VPS13C: variants seen among roughly 807,000 people sequenced by gnomAD.
VPS13C encodes the protein intermembrane lipid transfer protein VPS13C.
In VPS13C, 358 loss-of-function variants were observed where a neutral mutation model predicts 456.8. The observed-to-expected ratio is 0.78, with a 90% CI of 0.72 to 0.86. The LOEUF (loss-of-function observed/expected upper bound fraction) is 0.86, where lower values mean the gene tolerates loss of function less well. Among genes scored for constraint, VPS13C ranks in the 40% least tolerant of loss-of-function variants. VPS13C has a pLI of 0.00. For synonymous variants in VPS13C, 1,578 were observed against 1,486.7 expected (o/e 1.06, Z -1.41); for missense variants, 4,818 against 4,385.4 (o/e 1.10, Z -2.79).
At chr15:61,909,162 G>T (rs774339372) in intron 64 of VPS13C, 37 bp from the exon 65 acceptor site, 2 of 1,606,522 alleles carry the variant, frequency 1.2e-6, no homozygotes, top group Non-Finnish European at 1.7e-6. Flanking sequence ...TTGATGTACT[G>T]GTTTAATCTA....
chr15:61,990,464 C>T (rs183086003), intron 18 of VPS13C, among the ~76,000 whole-genome samples: 10 of 152,192 alleles, frequency 6.6e-5, no homozygotes, highest in Admixed American at 2.0e-4. Context: ...CAGTTTAGCA[C>T]TATAATAAGT....
chr15:61,934,105 T>C, intron 49 of VPS13C, 114 bp downstream of exon 49: 2 of 560,388 alleles, frequency 3.6e-6, no homozygotes, highest in South Asian at 9.6e-5. Flanking sequence ...AATAGAATTT[T>C]ATAGACATAT....
rs1269341459 is a variant in VPS13C, at chr15:61,929,506, T to C, written c.6281A>G (p.Glu2094Gly). Residue 2094 changes from glutamate (E) to glycine (G), a missense_variant, in exon 51 of 85, where the codon GAG becomes GGG. Transcript: ENST00000644861. The stretch of plus-strand genomic sequence containing the variant: ...GACAGATAAATTCTGCTAACCTTTC[T>C]CTATCTTGACCTTCCCTGTGGCAGT... ...RQTATGKVKI[E>G]KDDSVRPNMT... is the part of the protein sequence containing the mutation. 6.2e-7 allele frequency: 1 copy of C among 1,612,972 alleles called. No individual in the cohort carries two copies. Among genetic ancestry groups the C allele is most frequent in the East Asian group, 2.2e-5 (1 of 44,826 alleles).
At chr15:61,868,883 A>C in intron 80 of VPS13C, 110 bp from the exon 81 acceptor site, 1 of 899,966 alleles carries the variant, frequency 1.1e-6, no homozygotes, top group East Asian at 2.8e-5. Context: ...AGTAATTTTA[A>C]ATAGCTTTCC....
rs765044148 is a variant in VPS13C at position 61,949,438 on chromosome 15, A to T, written c.4759+5T>A. 2 of 1,603,680 alleles carry T rather than the reference A, an allele frequency of 1.2e-6. No homozygotes were observed. Among genetic ancestry groups the T allele is most frequent in the Non-Finnish European group, 1.7e-6 (2 of 1,177,678 alleles). ...ATTATTAGATCATAATTCAAAAATT[A>T]TTACCAGCTTTGACAGCGATACTTC... On this transcript the variant is annotated splice_donor_5th_base_variant and intron_variant, in intron 42 of 84. Coordinates refer to ENST00000644861, the MANE Select transcript of VPS13C (RefSeq NM_020821.3).
Position 61,915,738 on chromosome 15 carries a change from C to T in VPS13C, c.8340G>A (p.Arg2780=). ...SPYWLINKTT[R]VLQYRSEDIH... ...TATCTTCTGAACGATACTGGAGAACCCGGGTAGTCTTGTTGATTAACCAAT... is the reference window on the plus strand; with the variant it reads ...TATCTTCTGAACGATACTGGAGAACTCGGGTAGTCTTGTTGATTAACCAAT... The change falls in exon 61 of 85, where the codon CGG becomes CGA. Residue 2780 remains arginine (R), a synonymous_variant. Transcript: ENST00000644861. 6.2e-7 allele frequency: 1 copy of T among 1,614,066 alleles called. No homozygotes were observed. The highest frequency in any genetic ancestry group is 8.5e-7 in the Non-Finnish European group (1 of 1,180,018).
intron 26 of VPS13C, 52 bp downstream of exon 26, chr15:61,973,402 T>A (rs1199020389): frequency 6.9e-7 from 1 of 1,447,020 alleles, no homozygotes; most frequent in Admixed American, 1.7e-5. Flanking sequence ...TATCTCTGTA[T>A]AACAATGTAT....
At chr15:62,059,345 C>T (rs1308741790) in intron 1 of VPS13C, among the ~76,000 whole-genome samples, 2 of 152,168 alleles carry the variant, frequency 1.3e-5, no homozygotes, top group Non-Finnish European at 2.9e-5. Context: ...AAAGCAGATC[C>T]ATACATTTGA....
intron 82 of VPS13C, among the ~76,000 whole-genome samples, chr15:61,860,605 T>TA (rs1310120230): frequency 1.3e-5 from 2 of 152,294 alleles, no homozygotes; most frequent in Non-Finnish European, 2.9e-5. Flanking sequence ...TATCTGCAAA[T>TA]ACAAAATTAT....
chr15:61,968,897 CTTTA>C (rs1342743337), intron 28 of VPS13C, among the ~76,000 whole-genome samples: 1 of 152,056 alleles, frequency 6.6e-6, no homozygotes, highest in Non-Finnish European at 1.5e-5. Flanking sequence ...GCCACTTAAT[CTTTA>C]TTTAGCCTTT....
intron 9 of VPS13C, among the ~76,000 whole-genome samples, chr15:62,016,515 T>C (rs976278362): frequency 6.1e-5 from 9 of 147,004 alleles, no homozygotes; most frequent in African/African-American, 1.8e-4. Context: ...AGTGAGAACA[T>C]GCAGTGTTTG....
Position 61,946,372 on chromosome 15 carries a change from C to G in VPS13C, c.4915G>C (p.Asp1639His), listed in dbSNP as rs1011353398. 1.9e-6 allele frequency: 3 copies of G among 1,608,742 alleles called. No individual in the cohort carries two copies. In the African/African-American group the frequency reaches 4.0e-5, roughly 22 times the overall value. ...ASISVKPKQTDVFARLKDIIV... is the reference protein window; with the variant it reads ...ASISVKPKQTHVFARLKDIIV... The stretch of plus-strand genomic sequence containing the variant: ...ATATCTTTAAGTCTGGCAAACACAT[C>G]AGTCTGCTTAGGCTTCACAGAAATA... The change falls in exon 44 of 85, where the codon GAT becomes CAT. Residue 1639 changes from aspartate (D) to histidine (H), a missense_variant. Physicochemically the swap from Asp to His is moderately conservative, Grantham distance 81 (BLOSUM62 -1). Coordinates refer to ENST00000644861, the MANE Select transcript of VPS13C (RefSeq NM_020821.3).
intron 1 of VPS13C, among the ~76,000 whole-genome samples, chr15:62,048,719 A>C (rs2048514809): frequency 6.6e-6 from 1 of 152,040 alleles, no homozygotes; most frequent in South Asian, 2.1e-4. Context: ...CAGTCCCACC[A>C]ACAGTGTAAA....
rs561200974 is a variant in VPS13C, at chr15:61,917,999, T to C, written c.7760+137A>G. 12 of 823,888 alleles carry C rather than the reference T, an allele frequency of 1.5e-5. No homozygotes were observed. In the African/African-American group the frequency reaches 2.0e-4, roughly 14 times the overall value. The allele number at this position is 823,888 out of a possible 1,614,324, so 51.0% of individuals were successfully genotyped here. A position where few individuals can be genotyped will look rare whatever the true frequency, so the allele number is the denominator to read the frequency against. On this transcript the variant is annotated intron_variant, in intron 59 of 84. Transcript: ENST00000644861. ...AAATTCAATGATAATATAAATGTAT[T>C]TCTCAATGGAAGACTAAATTATGTC...
chr15:61,867,244 T>C lies in VPS13C; in HGVS notation c.10863+1415A>G, dbSNP rs184280304. 1 of 983,470 alleles carries C rather than the reference T, an allele frequency of 1.0e-6. No individual in the cohort carries two copies. The highest frequency in any genetic ancestry group is 6.2e-5 in the Admixed American group (1 of 16,258). 60.9% of individuals were successfully genotyped at this position (983,470 alleles called of 1,614,324 possible). ...ATAACCAACAAGGAGATTCAATTTT[T>C]GAAAAGCAGAAATGCTAAAGGCTGA... On this transcript the variant is annotated intron_variant, in intron 81 of 84. Transcript: ENST00000644861. This position sits in a 1 kb window ranked among gnomAD's most constrained non-coding sequence, Gnocchi z 5.0.
At chr15:62,037,268 T>A (rs1237195159) in intron 3 of VPS13C, among the ~76,000 whole-genome samples, 4 of 21,972 alleles carry the variant, frequency 1.8e-4, no homozygotes, top group Middle Eastern at 0.016. Context: ...TATATTATAT[T>A]ATATAATATA....
intron 18 of VPS13C, among the ~76,000 whole-genome samples, chr15:61,990,341 G>A (rs901260256): frequency 2.0e-5 from 3 of 151,902 alleles, no homozygotes; most frequent in Non-Finnish European, 4.4e-5. Context: ...TTGCACACCT[G>A]TTCCCTTTTT....
chr15:61,958,525 T>G, intron 37 of VPS13C, 83 bp downstream of exon 37: 1 of 775,198 alleles, frequency 1.3e-6, no homozygotes, highest in Non-Finnish European at 2.1e-6. Context: ...CATATATTTG[T>G]TTACTTTTTA....
At chr15:62,037,278 A>AT (rs530807181) in intron 3 of VPS13C, among the ~76,000 whole-genome samples, 14 of 71,392 alleles carry the variant, frequency 2.0e-4, no homozygotes, top group African/African-American at 7.2e-4. Context: ...TATATAATAT[A>AT]TTATATATAT....
Sources: gnomAD v4.1 joint callset for allele counts (sites outside exome capture counted in the v4.1 genomes callset) on GRCh38, gnomAD v4.1.1 for gene constraint, Gnocchi (gnomAD v3.1) non-coding constraint, MANE v1.5 for transcripts, NCBI Gene and HGNC (gene_info 2026-07-23, HGNC 2026-07-21) for gene names.